Variants in PI4K2B observed in about 807,000 individuals in gnomAD.
The protein encoded by PI4K2B is phosphatidylinositol 4-kinase type 2-beta.
Under a neutral mutation model 56.6 loss-of-function variants are expected in PI4K2B, and 46 were observed. The observed-to-expected ratio is 0.81, with a 90% CI of 0.64 to 1.04. The LOEUF is 1.04. PI4K2B is among the 50% of genes least tolerant of loss of function. The pLI is 0.00. For missense variants in PI4K2B, 556 were observed against 607.7 expected (o/e 0.91, Z 0.89); for synonymous variants, 211 against 223.8 (o/e 0.94, Z 0.51).
intron 1 of PI4K2B, among the ~76,000 whole-genome samples, chr4:25,244,686 C>T (rs558656244): frequency 4.6e-5 from 7 of 152,070 alleles, no homozygotes; most frequent in African/African-American, 1.5e-4. Flanking sequence ...AAGACAAAAC[C>T]GCCTGCAGTT....
rs779189256 is a variant in PI4K2B at position 25,259,069 on chromosome 4, C to T, written c.789C>T (p.Tyr263=). The change falls in exon 5 of 10, where the codon TAC becomes TAT. Residue 263 remains tyrosine, a synonymous_variant. Coordinates refer to ENST00000264864, the MANE Select transcript of PI4K2B (RefSeq NM_018323.4). ...IGSFQLFVEG[Y]KEAEYWLRKF... is the part of the protein sequence containing the mutation. ...CCTTTCAGTTATTTGTTGAAGGTTA[C>T]AAGGAGGCTGAATATTGGCTTAGGA... 1.3e-6 allele frequency: 2 copies of T among 1,588,076 alleles called. No homozygotes were observed. The highest frequency in any genetic ancestry group is 1.7e-6 in the Non-Finnish European group (2 of 1,158,192).
intron 1 of PI4K2B, among the ~76,000 whole-genome samples, chr4:25,236,687 C>G (rs1055246076): frequency 6.6e-6 from 1 of 152,080 alleles, no homozygotes; most frequent in Admixed American, 6.6e-5. Flanking sequence ...ATGGTTTGCC[C>G]GAAGTCAAAT....
chr4:25,275,528 C>T (rs1481056540), intron 9 of PI4K2B, among the ~76,000 whole-genome samples: 2 of 151,986 alleles, frequency 1.3e-5, no homozygotes, highest in African/African-American at 2.4e-5. Flanking sequence ...GCTGAGGTGG[C>T]GTGTGCCTCT....
chr4:25,235,178 G>A (rs1456671371), intron 1 of PI4K2B, among the ~76,000 whole-genome samples: 1 of 152,202 alleles, frequency 6.6e-6, no homozygotes, highest in Non-Finnish European at 1.5e-5. Context: ...TTAGACAAAT[G>A]TGATGGAAAT....
Position 25,277,175 on chromosome 4 carries a change from T to C in PI4K2B, c.1434T>C (p.Phe478=). The change falls in exon 10 of 10, where the codon TTT becomes TTC. Residue 478 remains phenylalanine (F), a synonymous_variant. Transcript: ENST00000264864. ...CTGTCAATTGCAGGAAGCCATTTTT[T>C]TCCTCCTGGTAGTAAATGTCAGAGT... ...TQTVNCRKPF[F]SSW 1.2e-6 allele frequency: 2 copies of C among 1,612,186 alleles called. No homozygotes were observed. Among genetic ancestry groups the C allele is most frequent in the East Asian group, 2.2e-5 (1 of 44,856 alleles).
At chr4:25,272,128 G>C (rs1716921843) in intron 9 of PI4K2B, among the ~76,000 whole-genome samples, 1 of 151,760 alleles carries the variant, frequency 6.6e-6, no homozygotes, top group Admixed American at 6.6e-5. Flanking sequence ...CTGGGCAGCA[G>C]AGCAAGACCT....
In PI4K2B at chr4:25,247,217, T is replaced by C. The variant is rs1380039707; in HGVS notation, c.269-5104T>C. ...GGTTCAACATACTGATAATCTGGTT[T>C]AGTTTAGAGGAAGGTTTTAGCAGAG... On this transcript the variant is annotated intron_variant, in intron 1 of 9. Transcript: ENST00000264864. Among the ~76,000 whole-genome samples, 3 of 152,212 alleles carry C rather than the reference T, an allele frequency of 2.0e-5. No homozygotes were observed. In the East Asian group the frequency reaches 5.8e-4, roughly 29 times the overall value.
chr4:25,260,063 A>G (rs1351627384), intron 5 of PI4K2B, among the ~76,000 whole-genome samples: 1 of 152,222 alleles, frequency 6.6e-6, no homozygotes, highest in African/African-American at 2.4e-5. Context: ...GTTTTTGGAA[A>G]CGAATCAAAT....
intron 1 of PI4K2B, among the ~76,000 whole-genome samples, chr4:25,246,964 C>T (rs766561719): frequency 3.3e-5 from 5 of 152,340 alleles, no homozygotes; most frequent in East Asian, 3.9e-4. Context: ...CTGCAAGCGC[C>T]GCATGCAGCT....
intron 1 of PI4K2B, among the ~76,000 whole-genome samples, chr4:25,241,116 G>A (rs137929620): frequency 0.023 from 3,485 of 152,338 alleles, 57 homozygotes; most frequent in Middle Eastern, 0.044. Flanking sequence ...GGGTTCCCCC[G>A]GAGGTTAGGA....
At chr4:25,270,933 C>A (rs569167758) in intron 9 of PI4K2B, among the ~76,000 whole-genome samples, 3 of 152,268 alleles carry the variant, frequency 2.0e-5, no homozygotes, top group African/African-American at 7.2e-5. Flanking sequence ...CATATAATTA[C>A]ACAGAGAATC....
chr4:25,274,074 G>A (rs1433162813), intron 9 of PI4K2B, among the ~76,000 whole-genome samples: 1 of 152,076 alleles, frequency 6.6e-6, no homozygotes, highest in Non-Finnish European at 1.5e-5. Flanking sequence ...AGCACTCCCT[G>A]GGAATATGCT....
rs1343342206 is a variant in PI4K2B at position 25,234,239 on chromosome 4, C to A, written c.76C>A (p.Arg26=). The A allele has an allele frequency of 1.6e-5, 23 of 1,427,580 alleles. No individual in the cohort carries two copies. The highest frequency in any genetic ancestry group is 2.0e-5 in the Non-Finnish European group (22 of 1,090,000). The allele number at this position is 1,427,580 out of a possible 1,614,324, so 88.4% of individuals were successfully genotyped here. The change falls in exon 1 of 10, where the codon CGG becomes AGG. Residue 26 remains arginine (R), a synonymous_variant. Transcript: ENST00000264864. ...GSPEEEEDGE[R]EPLLPRIAWA... ...CCCGGAGGAGGAGGAGGATGGGGAG[C>A]GGGAGCCGCTGCTACCGCGGATCGC...
At chr4:25,251,053 G>C (rs1355718211) in intron 1 of PI4K2B, among the ~76,000 whole-genome samples, 1 of 152,202 alleles carries the variant, frequency 6.6e-6, no homozygotes, top group Non-Finnish European at 1.5e-5. Context: ...TGAAGTTTGA[G>C]ATGTCTATTA....
rs1451271019 is a variant in PI4K2B at position 25,255,249 on chromosome 4, T to C, written c.608T>C (p.Ile203Thr). The C allele has an allele frequency of 6.2e-7, 1 of 1,613,882 alleles. No individual in the cohort carries two copies. The highest frequency in any genetic ancestry group is 8.5e-7 in the Non-Finnish European group (1 of 1,179,872). ...YLVDNKLHLS[I>T]VPKTKVVWLV... is the part of the protein sequence containing the mutation. ...GTGGACAACAAGCTTCATCTGAGCA[T>C]TGTACCTAAAACAAAGGTAAGCCAG... Residue 203 changes from isoleucine (I) to threonine (T), a missense_variant, in exon 3 of 10, where the codon ATT becomes ACT. Coordinates refer to ENST00000264864, the MANE Select transcript of PI4K2B (RefSeq NM_018323.4).
intron 1 of PI4K2B, 111 bp from the exon 2 acceptor site, chr4:25,252,210 C>A: frequency 3.2e-6 from 2 of 634,734 alleles, no homozygotes. Context: ...GCAGTCTATA[C>A]AAATCTTGAT....
chr4:25,255,232 C>A lies in PI4K2B; in HGVS notation c.591C>A (p.Asn197Lys), dbSNP rs1326411872. The A allele has an allele frequency of 1.2e-6, 2 of 1,614,008 alleles. No homozygotes were observed. The highest frequency in any genetic ancestry group is 2.7e-5 in the African/African-American group (2 of 74,930). The change falls in exon 3 of 10, where the codon AAC becomes AAA. Residue 197 changes from asparagine (N) to lysine (K), a missense_variant. Coordinates refer to ENST00000264864, the MANE Select transcript of PI4K2B (RefSeq NM_018323.4). ...LSEAGAYLVD[N>K]KLHLSIVPKT... The stretch of plus-strand genomic sequence containing the variant: ...AAGCGGGTGCCTATCTTGTGGACAA[C>A]AAGCTTCATCTGAGCATTGTACCTA...
intron 9 of PI4K2B, among the ~76,000 whole-genome samples, chr4:25,275,622 G>A (rs1317255007): frequency 1.3e-5 from 2 of 152,150 alleles, no homozygotes; most frequent in East Asian, 3.9e-4. Flanking sequence ...ATTGCACTCT[G>A]CACTCCAGCC....
Position 25,234,061 on chromosome 4 carries a change from G to A in PI4K2B, c.-103G>A. 9.8e-7 allele frequency: 1 copy of A among 1,017,728 alleles called. No individual in the cohort carries two copies. The highest frequency in any genetic ancestry group is 1.3e-6 in the Non-Finnish European group (1 of 792,326). 63.0% of individuals were successfully genotyped at this position (1,017,728 alleles called of 1,614,324 possible). On this transcript the variant is annotated 5_prime_UTR_variant, in exon 1 of 10. Transcript: ENST00000264864. ...CGTGCCCGTGCGCTGGTGAGGTGGC[G>A]TCCGTTCTACCCGGTCGCTCCCGTT...
Sources: gnomAD v4.1 joint callset for allele counts (sites outside exome capture counted in the v4.1 genomes callset) on GRCh38, gnomAD v4.1.1 for gene constraint, MANE v1.5 for transcripts, NCBI Gene and HGNC (gene_info 2026-07-23, HGNC 2026-07-21) for gene names.